CMSS1: variants seen among roughly 807,000 people sequenced by gnomAD.
CMSS1 encodes cms1 ribosomal small subunit homolog, also known as protein CMSS1.
A neutral mutation model predicts 43.5 loss-of-function variants in CMSS1; 33 were observed. The observed-to-expected ratio is 0.76, with a 90% confidence interval of 0.57 to 1.01. The LOEUF (loss-of-function observed/expected upper bound fraction) is 1.01. Among genes scored for constraint, CMSS1 ranks in the 50% least tolerant of loss-of-function variants. CMSS1 has a pLI of 0.00. For synonymous variants in CMSS1, 115 were observed against 117.2 expected, an observed-to-expected ratio of 0.98 and a Z score of 0.12; for missense variants, 313 against 326.4, an observed-to-expected ratio of 0.96 and a Z score of 0.32.
chr3:99,992,797 G>A (rs751081664), intron 1 of CMSS1, among the ~76,000 whole-genome samples: 2 of 151,970 alleles, frequency 1.3e-5, no homozygotes, highest in Non-Finnish European at 2.9e-5. Flanking sequence ...TATGGTTTCA[G>A]ATCTTACATT....
intron 1 of CMSS1, among the ~76,000 whole-genome samples, chr3:99,925,417 C>T (rs1374040075): frequency 6.6e-6 from 1 of 152,034 alleles, no homozygotes; most frequent in African/African-American, 2.4e-5. Context: ...TATTTTTAAT[C>T]CTTGGCATCT....
chr3:99,819,706 C>G (rs1301527694), intron 1 of CMSS1, among the ~76,000 whole-genome samples: 6 of 151,936 alleles, frequency 3.9e-5, no homozygotes, highest in Non-Finnish European at 7.4e-5. Context: ...CTGTAAAGAG[C>G]CCTTAAAGAT....
chr3:100,143,991 C>A (rs188495032), intron 1 of CMSS1, among the ~76,000 whole-genome samples: 1 of 152,152 alleles, frequency 6.6e-6, no homozygotes, highest in East Asian at 1.9e-4. Flanking sequence ...GCATATAGTT[C>A]GGTCATATTT....
At chr3:99,818,430 A>T (rs1942365492) in intron 1 of CMSS1, among the ~76,000 whole-genome samples, 1 of 152,200 alleles carries the variant, frequency 6.6e-6, no homozygotes, top group Non-Finnish European at 1.5e-5. Context: ...CATTCAAATC[A>T]CGACTCCAGT....
intron 1 of CMSS1, among the ~76,000 whole-genome samples, chr3:99,881,083 G>A (rs1705710674): frequency 6.6e-6 from 1 of 152,100 alleles, no homozygotes; most frequent in Admixed American, 6.5e-5. Flanking sequence ...ACAAAGCAAG[G>A]AAGTCTATTT....
rs144080272 is a variant in CMSS1 at position 99,935,006 on chromosome 3, GTC to G, written c.64+116967_64+116968del. On this transcript the variant is annotated intron_variant, in intron 1 of 9. Coordinates refer to ENST00000421999, the MANE Select transcript of CMSS1 (RefSeq NM_032359.4). ...ACTTCTGGTCTACTGAGGAGCATGT[GTC>G]TCTACATGTTTACAGTGGTGGAGTT... Among the ~76,000 whole-genome samples, 477 of 152,240 alleles carry G rather than the reference GTC, an allele frequency of 3.1e-3. 5 individuals carry two copies. Among genetic ancestry groups the G allele is most frequent in the African/African-American group, 0.011 (455 of 41,540 alleles).
chr3:99,818,162 G>T, intron 1 of CMSS1, 119 bp downstream of exon 1: 1 of 859,670 alleles, frequency 1.2e-6, no homozygotes, highest in South Asian at 1.5e-5. Flanking sequence ...ACCGCCTTGG[G>T]AGCGCGCAAG....
intron 1 of CMSS1, among the ~76,000 whole-genome samples, chr3:100,042,662 T>C (rs1026358419): frequency 6.6e-6 from 1 of 152,248 alleles, no homozygotes; most frequent in Non-Finnish European, 1.5e-5. Flanking sequence ...AGAATTTTAT[T>C]GCCTTTTATG....
At chr3:99,962,330 G>A (rs932005453) in intron 1 of CMSS1, among the ~76,000 whole-genome samples, 3 of 152,132 alleles carry the variant, frequency 2.0e-5, no homozygotes, top group Non-Finnish European at 4.4e-5. Context: ...ATGATGGGCA[G>A]TCCTCATCAG....
intron 2 of CMSS1, among the ~76,000 whole-genome samples, chr3:100,154,634 A>T (rs923845760): frequency 6.6e-6 from 1 of 152,214 alleles, no homozygotes; most frequent in Non-Finnish European, 1.5e-5. Context: ...ATGGCAATTT[A>T]AATTTTTTTA....
intron 1 of CMSS1, among the ~76,000 whole-genome samples, chr3:99,870,350 T>C (rs753274082): frequency 6.6e-6 from 1 of 152,230 alleles, no homozygotes; most frequent in Admixed American, 6.5e-5. Flanking sequence ...TTCAGCAAGG[T>C]TGGCCATTGA....
At chr3:99,930,489 G>A (rs1207129338) in intron 1 of CMSS1, among the ~76,000 whole-genome samples, 1 of 152,162 alleles carries the variant, frequency 6.6e-6, no homozygotes, top group East Asian at 1.9e-4. Context: ...TATTGCTACT[G>A]ATGCATGCAT....
intron 1 of CMSS1, among the ~76,000 whole-genome samples, chr3:99,990,070 G>A (rs1474001095): frequency 1.3e-5 from 2 of 152,062 alleles, no homozygotes; most frequent in Admixed American, 6.6e-5. Context: ...TCTGTTTGCC[G>A]CTTTGTGTTT....
intron 1 of CMSS1, among the ~76,000 whole-genome samples, chr3:100,109,803 A>T (rs965669729): frequency 9.2e-5 from 14 of 152,054 alleles, no homozygotes. Context: ...TTAATGATAT[A>T]TAAGTTAGCT....
chr3:100,023,315 A>G (rs1390593418), intron 1 of CMSS1: 1 of 152,622 alleles, frequency 6.6e-6, no homozygotes, highest in East Asian at 1.9e-4. Flanking sequence ...TTTTATGCAA[A>G]CAGAGCCTGG....
Position 99,956,273 on chromosome 3 carries a change from C to G in CMSS1, c.64+138230C>G, listed in dbSNP as rs150796949. 2.0e-5 allele frequency among the ~76,000 whole-genome samples: 3 copies of G among 152,324 alleles called. No homozygotes were observed. The East Asian group carries it at 5.8e-4, about 29-fold the overall frequency. ...TTTCCTTCCTCTGCCCCCAACACCTCTTCACATCTTTACACATGTTCTCCT... is the reference window on the plus strand; with the variant it reads ...TTTCCTTCCTCTGCCCCCAACACCTGTTCACATCTTTACACATGTTCTCCT... On this transcript the variant is annotated intron_variant, in intron 1 of 9. Coordinates refer to ENST00000421999, the MANE Select transcript of CMSS1 (RefSeq NM_032359.4).
At chr3:100,128,945 A>G (rs1252343696) in intron 1 of CMSS1, among the ~76,000 whole-genome samples, 1 of 152,128 alleles carries the variant, frequency 6.6e-6, no homozygotes. Flanking sequence ...ACTTTTAACT[A>G]TCATAGAGTA....
chr3:99,857,261 G>A (rs571310036), intron 1 of CMSS1, among the ~76,000 whole-genome samples: 39 of 152,316 alleles, frequency 2.6e-4, no homozygotes, highest in African/African-American at 8.2e-4. Context: ...TCCCATCAGT[G>A]TTCTCCAAGA....
chr3:99,967,282 G>A (rs1242593485), intron 1 of CMSS1, among the ~76,000 whole-genome samples: 5 of 152,102 alleles, frequency 3.3e-5, no homozygotes, highest in Non-Finnish European at 7.4e-5. Context: ...TACCTCATGA[G>A]GTTATTTAGA....
Sources: allele counts gnomAD v4.1 joint callset (sites outside exome capture counted in the v4.1 genomes callset), GRCh38; gene constraint gnomAD v4.1.1; transcripts MANE v1.5; gene names NCBI Gene and HGNC (gene_info 2026-07-23, HGNC 2026-07-21).